Variants in ASAP1 observed in about 807,000 individuals in gnomAD.
ASAP1 encodes the protein arf-GAP with SH3 domain, ANK repeat and PH domain-containing protein 1.
Under a neutral mutation model 145.2 loss-of-function variants are expected in ASAP1, and 43 were observed. The ratio of observed to expected loss-of-function variants is 0.30; its 90% CI spans 0.23 to 0.38. The LOEUF is 0.38. Ranked by LOEUF, ASAP1 falls within the 10% of genes least tolerant of loss-of-function variation. The pLI is 1.00. For missense variants in ASAP1, 1,018 were observed against 1,355.3 expected (o/e 0.75, Z 3.91); for synonymous variants, 546 against 515.5 (o/e 1.06, Z -0.80).
chr8:130,135,674 T>C (rs894051003), intron 14 of ASAP1, among the ~76,000 whole-genome samples: 2 of 152,196 alleles, frequency 1.3e-5, no homozygotes, highest in African/African-American at 4.8e-5. Context: ...AGGGCTTTCA[T>C]GAGGATTAGC....
At chr8:130,285,254 C>T (rs1033037025) in intron 3 of ASAP1, among the ~76,000 whole-genome samples, 1 of 151,836 alleles carries the variant, frequency 6.6e-6, no homozygotes, top group Non-Finnish European at 1.5e-5. Flanking sequence ...ACCTTCCTTG[C>T]AGAACTTTCA....
In ASAP1 at chr8:130,222,266, GT is replaced by G. The variant is rs1184689348; in HGVS notation, c.260-7566del. On this transcript the variant is annotated intron_variant, in intron 4 of 29. Coordinates refer to ENST00000518721, the MANE Select transcript of ASAP1 (RefSeq NM_018482.4). ...GGGGTTTATCTAACTGACACTATGTGTTATACCTTACCAAACTGGGCAATAT... is the reference window on the plus strand; with the variant it reads ...GGGGTTTATCTAACTGACACTATGTGTATACCTTACCAAACTGGGCAATAT... 2.6e-5 allele frequency among the ~76,000 whole-genome samples: 4 copies of G among 152,210 alleles called. No homozygotes were observed. In the East Asian group the frequency reaches 7.7e-4, roughly 29 times the overall value.
intron 5 of ASAP1, among the ~76,000 whole-genome samples, chr8:130,197,200 G>A (rs569086043): frequency 7.7e-4 from 117 of 152,366 alleles, no homozygotes; most frequent in African/African-American, 2.7e-3. Context: ...GGCTGAGGCA[G>A]GTGGTTTGCT....
chr8:130,344,093 G>A (rs1356148565), intron 3 of ASAP1, among the ~76,000 whole-genome samples: 1 of 152,188 alleles, frequency 6.6e-6, no homozygotes, highest in Non-Finnish European at 1.5e-5. Context: ...TACGTTAAAT[G>A]ACAGTGCAGG....
chr8:130,077,992 C>CTTTT (rs555579534), intron 26 of ASAP1, among the ~76,000 whole-genome samples: 1 of 139,490 alleles, frequency 7.2e-6, no homozygotes, highest in East Asian at 2.1e-4. Flanking sequence ...TGTTTAAAAA[C>CTTTT]TTTTTTTTTT....
At chr8:130,174,091 CAAAAAAAA>C (rs57123447) in intron 9 of ASAP1, among the ~76,000 whole-genome samples, 4 of 62,756 alleles carry the variant, frequency 6.4e-5, no homozygotes, top group African/African-American at 2.5e-4. Flanking sequence ...ACTCCGTCTC[CAAAAAAAA>C]AAAAAAAAAA....
At chr8:130,283,365 G>A (rs909417518) in intron 3 of ASAP1, among the ~76,000 whole-genome samples, 8 of 152,114 alleles carry the variant, frequency 5.3e-5, no homozygotes, top group African/African-American at 1.9e-4. Flanking sequence ...TGGATCACGA[G>A]GTCAAGAGAT....
intron 3 of ASAP1, among the ~76,000 whole-genome samples, chr8:130,241,226 C>T (rs1326056769): frequency 6.6e-6 from 1 of 152,084 alleles, no homozygotes; most frequent in Admixed American, 6.6e-5. Context: ...AGTCCTTTCC[C>T]CACAAAAGCC....
chr8:130,147,823 G>A (rs1240836743), intron 13 of ASAP1, among the ~76,000 whole-genome samples: 1 of 152,204 alleles, frequency 6.6e-6, no homozygotes, highest in East Asian at 1.9e-4. Context: ...AAAGAGGCCA[G>A]CTGGATTTCC....
chr8:130,109,495 G>C (rs961171884), intron 24 of ASAP1, among the ~76,000 whole-genome samples: 2 of 151,794 alleles, frequency 1.3e-5, no homozygotes, highest in Non-Finnish European at 2.9e-5. Flanking sequence ...TTAATTTAGG[G>C]GTCCTTCAGA....
At chr8:130,303,307 A>T (rs1052231440) in intron 3 of ASAP1, among the ~76,000 whole-genome samples, 2 of 152,208 alleles carry the variant, frequency 1.3e-5, no homozygotes, top group African/African-American at 4.8e-5. Context: ...TACTTTCTTT[A>T]TACTATTTAA....
chr8:130,189,185 T>C (rs1378275643), intron 5 of ASAP1, among the ~76,000 whole-genome samples: 2 of 152,214 alleles, frequency 1.3e-5, no homozygotes, highest in African/African-American at 4.8e-5. Flanking sequence ...AATTCCACTC[T>C]AGTTATTTTG....
At chr8:130,235,702 A>T (rs1250240406) in intron 4 of ASAP1, among the ~76,000 whole-genome samples, 1 of 152,156 alleles carries the variant, frequency 6.6e-6, no homozygotes, top group Non-Finnish European at 1.5e-5. Context: ...AGGGTGCAAA[A>T]TGTGTTAACA....
chr8:130,125,906 A>G, intron 17 of ASAP1, 50 bp downstream of exon 17: 2 of 1,543,896 alleles, frequency 1.3e-6, no homozygotes, highest in Non-Finnish European at 1.7e-6. Flanking sequence ...ATATATTAAA[A>G]TTACTCATGA....
chr8:130,072,821 G>GTC (rs1564927947), intron 27 of ASAP1, among the ~76,000 whole-genome samples: 13 of 70,936 alleles, frequency 1.8e-4, no homozygotes, highest in African/African-American at 8.3e-4. Flanking sequence ...GTGTGTGTGT[G>GTC]TGTGCGCGCG....
intron 2 of ASAP1, among the ~76,000 whole-genome samples, chr8:130,388,961 C>G (rs1355081909): frequency 6.6e-6 from 1 of 152,180 alleles, no homozygotes; most frequent in Non-Finnish European, 1.5e-5. Flanking sequence ...AAATAATTTT[C>G]CAAACCTCTG....
intron 3 of ASAP1, among the ~76,000 whole-genome samples, chr8:130,288,275 C>T (rs149372349): frequency 8.6e-5 from 13 of 151,930 alleles, no homozygotes; most frequent in Admixed American, 7.2e-4. Flanking sequence ...TATTTGACTT[C>T]GAGGGCACCA....
chr8:130,080,387 G>C (rs1441736999), intron 25 of ASAP1, among the ~76,000 whole-genome samples: 1 of 152,020 alleles, frequency 6.6e-6, no homozygotes, highest in Admixed American at 6.6e-5. Context: ...AGTGGAATGT[G>C]CATGTGAACA....
chr8:130,182,559 AAAG>A (rs1180265348), intron 7 of ASAP1, among the ~76,000 whole-genome samples: 3 of 152,160 alleles, frequency 2.0e-5, no homozygotes, highest in Non-Finnish European at 2.9e-5. Flanking sequence ...TGAAACCTAA[AAAG>A]AAGGCTTTCT....
Sources: gnomAD v4.1 joint callset for allele counts (sites outside exome capture counted in the v4.1 genomes callset) on GRCh38, gnomAD v4.1.1 for gene constraint, MANE v1.5 for transcripts, NCBI Gene and HGNC (gene_info 2026-07-23, HGNC 2026-07-21) for gene names.